Variants in PFKFB3 observed in about 807,000 individuals in gnomAD.
PFKFB3 encodes the protein 6-phosphofructo-2-kinase/fructose-2,6-biphosphatase 3.
Under a neutral mutation model 68.0 loss-of-function variants are expected in PFKFB3, and 33 were observed. The ratio of observed to expected loss-of-function variants is 0.49; its 90% confidence interval spans 0.37 to 0.65. The LOEUF (loss-of-function observed/expected upper bound fraction) is 0.65. Among genes scored for constraint, PFKFB3 ranks in the 30% least tolerant of loss-of-function variants. The pLI, the probability that PFKFB3 is intolerant of heterozygous loss-of-function variation, is 0.00. For missense variants in PFKFB3, 586 were observed against 712.2 expected (o/e 0.82, Z 2.02); for synonymous variants, 315 against 288.2 (o/e 1.09, Z -0.94).
In PFKFB3 at chr10:6,231,333, G is replaced by C. The variant is rs748571198; in HGVS notation, c.1516-1562G>C. 9 of 1,612,160 alleles carry C rather than the reference G, an allele frequency of 5.6e-6. No individual in the cohort carries two copies. In the South Asian group the frequency reaches 9.9e-5, roughly 18 times the overall value. ...GTGGAAGGTAAATGCCTGGGTGCAT[G>C]TCCCTCTGTCCCGCACCGCGTCACG... is the stretch of plus-strand genomic sequence containing the variant. On this transcript the variant is annotated intron_variant, in intron 14 of 14. Transcript: ENST00000379775.
chr10:6,240,997 C>G (rs1846127298), intron 14 of PFKFB3, among the ~76,000 whole-genome samples: 1 of 151,998 alleles, frequency 6.6e-6, no homozygotes, highest in South Asian at 2.1e-4. Flanking sequence ...CTCCATCTCC[C>G]AGGTTCAAGT....
chr10:6,197,076 C>T (rs1843197894), intron 1 of PFKFB3, among the ~76,000 whole-genome samples: 1 of 151,836 alleles, frequency 6.6e-6, no homozygotes, highest in African/African-American at 2.4e-5. Context: ...CCTCTGCCTC[C>T]CAGGTTCAAG....
At chr10:6,183,612 A>ATATATAT (rs1554843838) in intron 1 of PFKFB3, among the ~76,000 whole-genome samples, 2 of 55,232 alleles carry the variant, frequency 3.6e-5, no homozygotes, top group African/African-American at 6.6e-5. Context: ...AAAAAAAAAA[A>ATATATAT]AAATATATAT....
At chr10:6,237,690 C>T (rs1016944658), downstream of PFKFB3, among the ~76,000 whole-genome samples, 2 of 152,040 alleles carry the variant, frequency 1.3e-5, no homozygotes, top group Admixed American at 6.5e-5. Flanking sequence ...CTCTGCCTCC[C>T]GAGTAGCTGG....
At chr10:6,272,404 G>A in the PFKFB3 span, among the ~76,000 whole-genome samples, 1 of 152,138 alleles carries the variant, frequency 6.6e-6, no homozygotes, top group Non-Finnish European at 1.5e-5. Flanking sequence ...GTTGAAATAC[G>A]TCAGTCTGGC....
intron 1 of PFKFB3, among the ~76,000 whole-genome samples, chr10:6,205,533 C>T (rs997991720): frequency 9.2e-5 from 14 of 151,508 alleles, no homozygotes; most frequent in Non-Finnish European, 1.5e-4. Context: ...GCTGGGATTA[C>T]AGGCGCACGC....
intron 1 of PFKFB3, among the ~76,000 whole-genome samples, chr10:6,178,668 C>T (rs190210289): frequency 3.3e-5 from 5 of 152,306 alleles, no homozygotes; most frequent in East Asian, 1.9e-4. Flanking sequence ...CGTTATTTTC[C>T]CCGGGGCCAG....
chr10:6,221,798 G>A, intron 10 of PFKFB3, 53 bp downstream of exon 10: 3 of 1,261,622 alleles, frequency 2.4e-6, no homozygotes, highest in Non-Finnish European at 3.4e-6. Context: ...GACCACTGCT[G>A]TGCAGGGCTG....
chr10:6,237,421 A>C (rs1262441558), downstream of PFKFB3, among the ~76,000 whole-genome samples: 1 of 141,308 alleles, frequency 7.1e-6, no homozygotes, highest in African/African-American at 2.5e-5. Flanking sequence ...AGCTTGCAGA[A>C]GGAGGCTTAG....
chr10:6,299,511 T>C, the PFKFB3 span, among the ~76,000 whole-genome samples: 1 of 152,182 alleles, frequency 6.6e-6, no homozygotes, highest in Admixed American at 6.5e-5. Flanking sequence ...GAGGTGAACT[T>C]GAGCCTCACT....
rs371411251 is a variant in PFKFB3, at chr10:6,183,614, AATAT to A, written c.17-29994_17-29991del. Among the ~76,000 whole-genome samples the A allele has an allele frequency of 8.3e-3, 779 of 93,772 alleles. 8 individuals carry two copies. The highest frequency in any genetic ancestry group is 0.021 in the Middle Eastern group (4 of 194). 61.5% of individuals were successfully genotyped at this position (93,772 alleles called of 152,430 possible). On this transcript the variant is annotated intron_variant, in intron 1 of 14. Transcript: ENST00000379789. ...GACCAGCCTGGTCAAAAAAAAAAAA[AATAT>A]ATATATATATATATGTATATAAATA...
intron 1 of PFKFB3, among the ~76,000 whole-genome samples, chr10:6,194,691 G>A (rs556218536): frequency 4.5e-4 from 68 of 152,256 alleles, no homozygotes; most frequent in African/African-American, 1.6e-3. Context: ...CTCTTCAACA[G>A]GGGTTTGTGG....
chr10:6,309,339 G>A, the PFKFB3 span, among the ~76,000 whole-genome samples: 1 of 152,188 alleles, frequency 6.6e-6, no homozygotes, highest in Non-Finnish European at 1.5e-5. Flanking sequence ...CGAAGTGTGT[G>A]GCATGTGCCT....
chr10:6,197,850 A>G (rs1843216393), intron 1 of PFKFB3: 1 of 152,154 alleles, frequency 6.6e-6, no homozygotes, highest in African/African-American at 2.4e-5. Flanking sequence ...GGCTCTCACG[A>G]TCTAATATTT....
At chr10:6,145,226 C>T in intron 1 of PFKFB3, among the ~76,000 whole-genome samples, 1 of 152,090 alleles carries the variant, frequency 6.6e-6, no homozygotes, top group East Asian at 1.9e-4. Context: ...CAGATCCGCA[C>T]TGTCTCCTCC....
At chr10:6,221,063 G>A (rs1324360290) in intron 8 of PFKFB3, among the ~76,000 whole-genome samples, 198 bp downstream of exon 8, 3 of 152,074 alleles carry the variant, frequency 2.0e-5, no homozygotes, top group African/African-American at 7.2e-5. Context: ...GTGTGTGTGT[G>A]TCTACGCCTA....
intron 8 of PFKFB3, among the ~76,000 whole-genome samples, chr10:6,221,147 T>A (rs1234371544): frequency 6.6e-6 from 1 of 152,076 alleles, no homozygotes; most frequent in Non-Finnish European, 1.5e-5. Flanking sequence ...GGTGTGTGTA[T>A]CTCTGTGCAT....
chr10:6,324,369 T>C, the PFKFB3 span, among the ~76,000 whole-genome samples: 1 of 152,214 alleles, frequency 6.6e-6, no homozygotes, highest in South Asian at 2.1e-4. Context: ...CTTTCAGTTT[T>C]ACAACAGGAA....
chr10:6,324,781 C>T, the PFKFB3 span, among the ~76,000 whole-genome samples: 1 of 150,702 alleles, frequency 6.6e-6, no homozygotes, highest in Non-Finnish European at 1.5e-5. Context: ...TGGTTAAATG[C>T]CAAATTTTAT....
Sources: allele counts gnomAD v4.1 joint callset (sites outside exome capture counted in the v4.1 genomes callset), GRCh38; gene constraint gnomAD v4.1.1; transcripts MANE v1.5; gene names NCBI Gene and HGNC (gene_info 2026-07-23, HGNC 2026-07-21).